Variants in LARP1 observed in about 807,000 individuals in gnomAD.
LARP1 encodes the protein la-related protein 1.
LARP1 carries 36 observed loss-of-function variants against 122.7 expected under a neutral mutation model. The ratio of observed to expected loss-of-function variants is 0.29; its 90% confidence interval spans 0.22 to 0.39. LARP1 has a LOEUF of 0.39. Ranked by LOEUF, LARP1 falls within the 10% of genes least tolerant of loss-of-function variation. The pLI, the probability that LARP1 is intolerant of heterozygous loss-of-function variation, is 1.00. For missense variants in LARP1, 1,040 were observed against 1,403.6 expected, an observed-to-expected ratio of 0.74 and a Z score of 4.14; for synonymous variants, 539 against 528.7, an observed-to-expected ratio of 1.02 and a Z score of -0.27.
intron 8 of LARP1, among the ~76,000 whole-genome samples, chr5:154,795,848 A>T (rs951164588): frequency 2.3e-4 from 31 of 135,074 alleles, no homozygotes; most frequent in Middle Eastern, 3.4e-3. Context: ...ATATATATTT[A>T]TATATATTTT....
At chr5:154,781,365 G>A (rs568601073) in intron 1 of LARP1, among the ~76,000 whole-genome samples, 94 of 152,130 alleles carry the variant, frequency 6.2e-4, no homozygotes, top group Non-Finnish European at 1.1e-3. Flanking sequence ...AGGCCGAGGC[G>A]GGCGGATCAC....
chr5:154,752,252 T>C (rs1753540915), upstream of LARP1, among the ~76,000 whole-genome samples: 1 of 152,200 alleles, frequency 6.6e-6, no homozygotes, highest in Non-Finnish European at 1.5e-5. Context: ...TCTTTTCTTT[T>C]CTTTTTTTGA....
In LARP1 at chr5:154,756,084, G is replaced by T; in HGVS notation, c.327G>T (p.Ala109=). ...PGAGGGAAGA[A]GAGRRDFVEA... is the part of the protein sequence containing the mutation. The stretch of plus-strand genomic sequence containing the variant: ...CTGGCGGAGGAGCTGCCGGAGCCGC[G>T]GGCGCGGGGCGCCGGGACTTCGTGG... Residue 109 remains alanine (A), a synonymous_variant, in exon 1 of 19, where the codon GCG becomes GCT. Coordinates refer to ENST00000518297, the MANE Select transcript of LARP1 (RefSeq NM_033551.3). 8.6e-7 allele frequency: 1 copy of T among 1,158,730 alleles called. No homozygotes were observed. Among genetic ancestry groups the T allele is most frequent in the South Asian group, 1.7e-5 (1 of 57,682 alleles). 71.8% of individuals were successfully genotyped at this position (1,158,730 alleles called of 1,614,324 possible).
intron 1 of LARP1, among the ~76,000 whole-genome samples, chr5:154,685,210 C>T (rs2113172544): frequency 6.6e-6 from 1 of 151,514 alleles, no homozygotes; most frequent in South Asian, 2.1e-4. Flanking sequence ...CGCCACTGCA[C>T]TCCAGCCTGG....
intron 1 of LARP1, among the ~76,000 whole-genome samples, chr5:154,759,909 G>A (rs1754307216): frequency 6.7e-6 from 1 of 150,086 alleles, no homozygotes; most frequent in African/African-American, 2.4e-5. Flanking sequence ...TTTAAGATAG[G>A]CTGGGCTAAG....
chr5:154,701,752 G>A (rs1754732819), intron 1 of LARP1, among the ~76,000 whole-genome samples: 1 of 151,834 alleles, frequency 6.6e-6, no homozygotes, highest in South Asian at 2.1e-4. Flanking sequence ...CTCCTGAGTA[G>A]CTGGGATTAT....
intron 1 of LARP1, among the ~76,000 whole-genome samples, chr5:154,697,214 T>C (rs1754507550): frequency 6.6e-6 from 1 of 151,200 alleles, no homozygotes; most frequent in Non-Finnish European, 1.5e-5. Flanking sequence ...TTTTTTTTTT[T>C]TTTCTTCTCT....
intron 1 of LARP1, among the ~76,000 whole-genome samples, chr5:154,788,575 A>G (rs1485818254): frequency 3.3e-5 from 5 of 152,256 alleles, no homozygotes; most frequent in African/African-American, 9.6e-5. Context: ...GCTGGCCAAC[A>G]GTACAGGCAA....
intron 1 of LARP1, among the ~76,000 whole-genome samples, chr5:154,789,097 G>T (rs1012048306): frequency 6.6e-6 from 1 of 151,894 alleles, no homozygotes. Flanking sequence ...TGCAGTCCCA[G>T]CTACTTGGGA....
chr5:154,756,230 C>T, intron 1 of LARP1, 37 bp downstream of exon 1: 2 of 1,209,504 alleles, frequency 1.7e-6, no homozygotes, highest in South Asian at 1.5e-5. Flanking sequence ...GTCCGGGGGC[C>T]TCTTCCGGGG....
rs1453264487 is a variant in LARP1, at chr5:154,816,174, T to G, written c.*2078T>G. 1.3e-5 allele frequency: 2 copies of G among 152,860 alleles called. No homozygotes were observed. Among genetic ancestry groups the G allele is most frequent in the Admixed American group, 6.5e-5 (1 of 15,296 alleles). The allele number at this position is 152,860 out of a possible 1,614,324, so 9.5% of individuals were successfully genotyped here. A position where few individuals can be genotyped will look rare whatever the true frequency, so the allele number is the denominator to read the frequency against. ...AAACCAAGGATGAGCGTCTGGTCTC[T>G]GCTATGATGGTGGTATCCGAGGCCT... On this transcript the variant is annotated 3_prime_UTR_variant, in exon 19 of 19. Coordinates refer to ENST00000518297, the MANE Select transcript of LARP1 (RefSeq NM_033551.3).
chr5:154,770,541 G>C (rs1224301668), intron 1 of LARP1, among the ~76,000 whole-genome samples: 1 of 152,060 alleles, frequency 6.6e-6, no homozygotes, highest in Non-Finnish European at 1.5e-5. Context: ...TGGAATGAGG[G>C]TATGAGAGAA....
rs971797710 is a variant in LARP1, at chr5:154,813,918, G to A, written c.3113G>A (p.Arg1038Gln). Residue 1038 changes from arginine (R) to glutamine (Q), a missense_variant, in exon 19 of 19, where the codon CGA becomes CAA. Around this residue, in one of 8 missense-constraint regions of LARP1, gnomAD observed 129 missense variants for 160.8 expected, o/e 0.80. Coordinates refer to ENST00000518297, the MANE Select transcript of LARP1 (RefSeq NM_033551.3). ...ATGGGTGAGGAGGGCAACCACAAGC[G>A]ACACTCAGTGGTAGCAGGAGGTGGC... is the stretch of plus-strand genomic sequence containing the variant. ...PPMGEEGNHK[R>Q]HSVVAGGGGG... is the part of the protein sequence containing the mutation. 1.5e-5 allele frequency: 25 copies of A among 1,613,930 alleles called. No individual in the cohort carries two copies. The highest frequency in any genetic ancestry group is 2.2e-5 in the East Asian group (1 of 44,886).
chr5:154,715,973 A>G (rs1158623207), intron 1 of LARP1, among the ~76,000 whole-genome samples: 1 of 152,198 alleles, frequency 6.6e-6, no homozygotes, highest in African/African-American at 2.4e-5. Context: ...AAAATTACTC[A>G]GACAAGCAGT....
chr5:154,747,467 G>A (rs1490087325), intron 1 of LARP1, among the ~76,000 whole-genome samples: 1 of 152,016 alleles, frequency 6.6e-6, no homozygotes. Flanking sequence ...AGCACTTTGG[G>A]AGGCTGAGGC....
intron 16 of LARP1, among the ~76,000 whole-genome samples, chr5:154,808,835 G>A (rs1453562969): frequency 6.6e-6 from 1 of 152,084 alleles, no homozygotes; most frequent in South Asian, 2.1e-4. Flanking sequence ...CACCCATCTG[G>A]TGTCTTTCCC....
chr5:154,803,407 C>T lies in LARP1; in HGVS notation c.2227C>T (p.Gln743Ter). ...QEVPPGPPRFQQVPTDALANK... is the reference protein window; with the variant it reads ...QEVPPGPPRF The stretch of plus-strand genomic sequence containing the variant: ...AGTTCCTCCTGGGCCACCTCGGTTC[C>T]AGCAAGGTGAGAAGCAGACACCTGA... Residue 743 changes from glutamine (Q) to a stop codon, truncating the protein, a stop_gained, in exon 12 of 19, where the codon CAG becomes TAG. Coordinates refer to ENST00000518297, the MANE Select transcript of LARP1 (RefSeq NM_033551.3). LOFTEE classifies it high-confidence loss of function. This position sits in a 1 kb window ranked among gnomAD's most constrained non-coding sequence, Gnocchi z 4.4. 1 of 1,614,122 alleles carries T rather than the reference C, an allele frequency of 6.2e-7. No homozygotes were observed. Among genetic ancestry groups the T allele is most frequent in the Non-Finnish European group, 8.5e-7 (1 of 1,180,022 alleles).
intron 1 of LARP1, among the ~76,000 whole-genome samples, chr5:154,763,792 G>A (rs1387996908): frequency 1.3e-5 from 2 of 151,662 alleles, no homozygotes; most frequent in East Asian, 1.9e-4. Flanking sequence ...GATTGCTTGA[G>A]CCTGGAAGTT....
In LARP1 at chr5:154,815,509, C is replaced by T. The variant is rs1338997399; in HGVS notation, c.*1413C>T. 1 of 152,126 alleles carries T rather than the reference C, an allele frequency of 6.6e-6. No homozygotes were observed. Among genetic ancestry groups the T allele is most frequent in the East Asian group, 1.9e-4 (1 of 5,176 alleles). The allele number at this position is 152,126 out of a possible 1,614,324, so 9.4% of individuals were successfully genotyped here. A position where few individuals can be genotyped will look rare whatever the true frequency, so the allele number is the denominator to read the frequency against. On this transcript the variant is annotated 3_prime_UTR_variant, in exon 19 of 19. Transcript: ENST00000518297. ...GTGTTGCCCTGAAAAATCTTTGAGA[C>T]CTCAGGGAGGCTCTGTCTCTCTTAA...
Sources: gnomAD v4.1 joint callset for allele counts (sites outside exome capture counted in the v4.1 genomes callset) on GRCh38, gnomAD v4.1.1 for gene constraint, gnomAD v4.1.1 regional missense constraint, Gnocchi (gnomAD v3.1) non-coding constraint, MANE v1.5 for transcripts, NCBI Gene and HGNC (gene_info 2026-07-23, HGNC 2026-07-21) for gene names.